TTYH3: variants seen among roughly 807,000 people sequenced by gnomAD.
TTYH3 encodes protein tweety homolog 3.
A neutral mutation model predicts 68.2 loss-of-function variants in TTYH3; 23 were observed. That is an observed-to-expected ratio of 0.34 (90% CI 0.24 to 0.48). TTYH3 has a LOEUF of 0.48. Among genes scored for constraint, TTYH3 ranks in the 20% least tolerant of loss-of-function variants. TTYH3 has a pLI of 0.99. For missense variants in TTYH3, 768 were observed against 727.7 expected, an observed-to-expected ratio of 1.06 and a Z score of -0.64; for synonymous variants, 360 against 332.8, an observed-to-expected ratio of 1.08 and a Z score of -0.89.
Position 2,662,181 on chromosome 7 carries a change from C to A in TTYH3, c.*442C>A. On this transcript the variant is annotated 3_prime_UTR_variant, in exon 14 of 14. Coordinates refer to ENST00000258796, the MANE Select transcript of TTYH3 (RefSeq NM_025250.3). Reference sequence around the variant, plus strand: ...GCTCTGTGCTGGCGCCTGCTGGCCACTGAGGGACAGGGACACGTGCCACCT... The same window carrying A: ...GCTCTGTGCTGGCGCCTGCTGGCCAATGAGGGACAGGGACACGTGCCACCT... 1 of 299,780 alleles carries A rather than the reference C, an allele frequency of 3.3e-6. No individual in the cohort carries two copies. Among genetic ancestry groups the A allele is most frequent in the Non-Finnish European group, 6.4e-6 (1 of 156,846 alleles). 18.6% of individuals were successfully genotyped at this position (299,780 alleles called of 1,614,324 possible).
intron 1 of TTYH3, among the ~76,000 whole-genome samples, 195 bp from the exon 2 acceptor site, chr7:2,646,658 G>A (rs1022282888): frequency 6.6e-6 from 1 of 152,190 alleles, no homozygotes; most frequent in African/African-American, 2.4e-5. Context: ...TGGGGTCCAG[G>A]CCTGGGTGAC....
At chr7:2,642,073 G>T (rs116791502) in intron 1 of TTYH3, among the ~76,000 whole-genome samples, 2,909 of 152,334 alleles carry the variant, frequency 0.019, 83 homozygotes, top group African/African-American at 0.066. Flanking sequence ...GGCTCCGTTT[G>T]CAGCTGGCCC....
intron 9 of TTYH3, among the ~76,000 whole-genome samples, chr7:2,654,452 TA>T (rs535593853): frequency 4.3e-4 from 64 of 148,242 alleles, no homozygotes; most frequent in South Asian, 1.9e-3. Flanking sequence ...TACACACACA[TA>T]AAAAAAAATT....
intron 1 of TTYH3, among the ~76,000 whole-genome samples, chr7:2,633,019 G>T (rs779756247): frequency 1.3e-5 from 2 of 152,158 alleles, no homozygotes; most frequent in African/African-American, 4.8e-5. Flanking sequence ...AGGCAGACCT[G>T]GGGGGCGGCT....
intron 1 of TTYH3, among the ~76,000 whole-genome samples, chr7:2,646,283 G>C (rs939092315): frequency 2.0e-5 from 3 of 152,218 alleles, no homozygotes; most frequent in African/African-American, 7.2e-5. Context: ...CCAAAGTGCT[G>C]GGATTACAGG....
At chr7:2,651,041 G>A (rs1786161435) in intron 7 of TTYH3, among the ~76,000 whole-genome samples, 1 of 152,022 alleles carries the variant, frequency 6.6e-6, no homozygotes, top group Admixed American at 6.5e-5. Context: ...GGGGCAGGGA[G>A]CTGGGGCATC....
chr7:2,647,143 G>A lies in TTYH3; in HGVS notation c.295G>A (p.Ala99Thr), dbSNP rs1165872198. 1 of 1,600,588 alleles carries A rather than the reference G, an allele frequency of 6.2e-7. No individual in the cohort carries two copies. Among genetic ancestry groups the A allele is most frequent in the South Asian group, 1.1e-5 (1 of 89,080 alleles). The change falls in exon 3 of 14, where the codon GCC becomes ACC. Residue 99 changes from alanine to threonine, a missense_variant and splice_region_variant. By Grantham distance (58) the Ala-to-Thr change is moderately conservative (BLOSUM62 0). Transcript: ENST00000258796. Reference sequence around the variant, plus strand: ...ATCTCACGGGCCCGCCCTCTCCAGCGCCGGCATCGCAGTGGGATTCTACGG... The same window carrying A: ...ATCTCACGGGCCCGCCCTCTCCAGCACCGGCATCGCAGTGGGATTCTACGG... ...CVIIATLVCS[A>T]GIAVGFYGNG...
intron 1 of TTYH3, among the ~76,000 whole-genome samples, chr7:2,637,270 G>T (rs1785704755): frequency 6.6e-6 from 1 of 152,172 alleles, no homozygotes. Context: ...CCGGCCGGGG[G>T]CTCTTGGTCA....
At chr7:2,632,732 TGA>T (rs1785554801) in intron 1 of TTYH3, among the ~76,000 whole-genome samples, 1 of 152,222 alleles carries the variant, frequency 6.6e-6, no homozygotes, top group Admixed American at 6.5e-5. Flanking sequence ...AGCGGGTGCC[TGA>T]GCACATTGGG....
chr7:2,640,456 G>T (rs919453593), intron 1 of TTYH3, among the ~76,000 whole-genome samples: 3 of 152,104 alleles, frequency 2.0e-5, no homozygotes, highest in African/African-American at 7.2e-5. Context: ...GCACCCTCCC[G>T]AGTGGCATGC....
Position 2,632,143 on chromosome 7 carries a change from G to T in TTYH3, c.-13G>T. 7.1e-7 allele frequency: 1 copy of T among 1,412,434 alleles called. No homozygotes were observed. The highest frequency in any genetic ancestry group is 9.3e-7 in the Non-Finnish European group (1 of 1,072,080). The allele number at this position is 1,412,434 out of a possible 1,614,324, so 87.5% of individuals were successfully genotyped here. ...CGCAGGCCGCGCGCATCCGGAGGCGGCCGGGCCCCGCCATGGCCGGGGTCA... is the reference window on the plus strand; with the variant it reads ...CGCAGGCCGCGCGCATCCGGAGGCGTCCGGGCCCCGCCATGGCCGGGGTCA... On this transcript the variant is annotated 5_prime_UTR_variant, in exon 1 of 14. Transcript: ENST00000258796.
chr7:2,639,416 A>G (rs1356271455), intron 1 of TTYH3, among the ~76,000 whole-genome samples: 2 of 152,144 alleles, frequency 1.3e-5, no homozygotes, highest in South Asian at 2.1e-4. Context: ...GCTCCCCACA[A>G]CGGGAGTTTC....
intron 11 of TTYH3, among the ~76,000 whole-genome samples, chr7:2,656,900 C>G (rs1207671952): frequency 2.0e-5 from 3 of 152,252 alleles, no homozygotes; most frequent in African/African-American, 4.8e-5. Context: ...TGTCCCCCAC[C>G]ATGGGGTGCA....
chr7:2,652,101 G>A (rs922074046), intron 7 of TTYH3, 86 bp from the exon 8 acceptor site: 2 of 1,147,598 alleles, frequency 1.7e-6, no homozygotes, highest in Non-Finnish European at 2.6e-6. Flanking sequence ...ATGCCCTGAA[G>A]ATATGCGTGC....
chr7:2,638,635 C>T (rs924488042), intron 1 of TTYH3, among the ~76,000 whole-genome samples: 9 of 152,192 alleles, frequency 5.9e-5, no homozygotes, highest in Admixed American at 2.6e-4. Flanking sequence ...CCCACGTGGC[C>T]GCTGCTGGCT....
intron 8 of TTYH3, among the ~76,000 whole-genome samples, chr7:2,652,627 C>T (rs1000038773): frequency 6.6e-6 from 1 of 152,174 alleles, no homozygotes; most frequent in African/African-American, 2.4e-5. Context: ...GTACACACTG[C>T]CTGTCATTGT....
chr7:2,641,558 G>C (rs943829137), intron 1 of TTYH3, among the ~76,000 whole-genome samples: 1 of 152,240 alleles, frequency 6.6e-6, no homozygotes, highest in Non-Finnish European at 1.5e-5. Context: ...CGCCTCGCCT[G>C]ACCGAGCCCT....
At chr7:2,647,889 AG>A in intron 4 of TTYH3, 69 bp from the exon 5 acceptor site, 1 of 1,557,860 alleles carries the variant, frequency 6.4e-7, no homozygotes. Flanking sequence ...CTCCCCCTCA[AG>A]GGCCCCTGGC....
chr7:2,658,138 C>T (rs1050973887), intron 11 of TTYH3, 148 bp from the exon 12 acceptor site: 78 of 780,146 alleles, frequency 1.0e-4, no homozygotes, highest in Non-Finnish European at 1.4e-4. Context: ...GCCAGGTGAC[C>T]TGCCCACAGT....
Sources: allele counts gnomAD v4.1 joint callset (sites outside exome capture counted in the v4.1 genomes callset), GRCh38; gene constraint gnomAD v4.1.1; transcripts MANE v1.5; gene names NCBI Gene and HGNC (gene_info 2026-07-23, HGNC 2026-07-21).